ABCG8: variants seen among roughly 807,000 people sequenced by gnomAD.
ABCG8 encodes the protein ATP-binding cassette sub-family G member 8.
ABCG8 carries 81 observed loss-of-function variants against 71.3 expected under a neutral mutation model. The observed-to-expected ratio is 1.14, with a 90% confidence interval of 0.95 to 1.37. The LOEUF is 1.37. Ranked by LOEUF, ABCG8 falls within the 40% of genes most tolerant of loss-of-function variation. ABCG8 has a pLI of 0.00. For synonymous variants in ABCG8, 451 were observed against 354.7 expected (o/e 1.27, Z -3.05); for missense variants, 1,119 against 866.2 (o/e 1.29, Z -3.66).
chr2:43,858,899 G>T lies in ABCG8; in HGVS notation c.964+6031G>T, dbSNP rs573661689. On this transcript the variant is annotated intron_variant, in intron 6 of 12. Coordinates refer to ENST00000272286, the MANE Select transcript of ABCG8 (RefSeq NM_022437.3). Reference sequence around the variant, plus strand: ...ATCTAGATAGAACTCTCACTATCTGGATAGAATTCTCACCCTCTGGATACA... The same window carrying T: ...ATCTAGATAGAACTCTCACTATCTGTATAGAATTCTCACCCTCTGGATACA... Among the ~76,000 whole-genome samples, 11 of 151,298 alleles carry T rather than the reference G, an allele frequency of 7.3e-5. 1 individual carries two copies. Among genetic ancestry groups the T allele is most frequent in the Non-Finnish European group, 1.6e-4 (11 of 67,494 alleles).
Position 43,877,840 on chromosome 2 carries a change from T to A in ABCG8, c.1949T>A (p.Leu650His). ...GCCATCTACCTCATCGTCATTGGCC[T>A]CAGCGGTGGCTTCATGGTCCTGTAC... ...LYAIYLIVIG[L>H]SGGFMVLYYV... is the part of the protein sequence containing the mutation. The change falls in exon 13 of 13, where the codon CTC (leucine) becomes CAC (histidine). Residue 650 changes from leucine to histidine, a missense_variant. Coordinates refer to ENST00000272286, the MANE Select transcript of ABCG8 (RefSeq NM_022437.3). 1 of 1,614,158 alleles carries A rather than the reference T, an allele frequency of 6.2e-7. No individual in the cohort carries two copies. The highest frequency in any genetic ancestry group is 1.1e-5 in the South Asian group (1 of 91,086).
At chr2:43,870,372 A>G (rs1669720681) in intron 6 of ABCG8, among the ~76,000 whole-genome samples, 2 of 151,746 alleles carry the variant, frequency 1.3e-5, no homozygotes, top group Admixed American at 1.3e-4. Context: ...TAGAATTCTC[A>G]CTGTGTATGT....
At chr2:43,866,295 C>A (rs1321100375) in intron 6 of ABCG8, among the ~76,000 whole-genome samples, 1 of 151,754 alleles carries the variant, frequency 6.6e-6, no homozygotes, top group African/African-American at 2.4e-5. Context: ...GCAAGGACTT[C>A]ATGTCTAAAA....
rs537784677 is a variant in ABCG8 at position 43,839,403 on chromosome 2, C to CTTTTTTTTTTTTTTTTTTTTTTTT, written c.63+305_63+328dup. 7.9e-4 allele frequency among the ~76,000 whole-genome samples: 47 copies of CTTTTTTTTTTTTTTTTTTTTTTTT among 59,310 alleles called. 9 individuals are homozygous for CTTTTTTTTTTTTTTTTTTTTTTTT. Among genetic ancestry groups the CTTTTTTTTTTTTTTTTTTTTTTTT allele is most frequent in the Non-Finnish European group, 1.2e-3 (37 of 31,220 alleles). The allele number at this position is 59,310 out of a possible 152,430, so 38.9% of individuals were successfully genotyped here. On this transcript the variant is annotated intron_variant, in intron 1 of 12. Coordinates refer to ENST00000272286, the MANE Select transcript of ABCG8 (RefSeq NM_022437.3). The stretch of plus-strand genomic sequence containing the variant: ...CACTTTTTCTTTTTTCTTTTCTTCT[C>CTTTTTTTTTTTTTTTTTTTTTTTT]TTTTTTTTTTTTTTTTTTTTTTTTT...
intron 3 of ABCG8, among the ~76,000 whole-genome samples, chr2:43,850,635 T>TA (rs1464368656): frequency 6.6e-6 from 1 of 152,088 alleles, no homozygotes; most frequent in Non-Finnish European, 1.5e-5. Context: ...AATCCTTTTT[T>TA]AAAAAAGAGT....
chr2:43,857,041 C>A (rs60782591), intron 6 of ABCG8, among the ~76,000 whole-genome samples: 8,176 of 151,816 alleles, frequency 0.054, 276 homozygotes, highest in Middle Eastern at 0.1. Context: ...CTGGATATAA[C>A]TCTCACTAAC....
chr2:43,872,176 C>T (rs1178890268), intron 7 of ABCG8, 38 bp downstream of exon 7: 1 of 1,614,022 alleles, frequency 6.2e-7, no homozygotes, highest in Admixed American at 1.7e-5. Flanking sequence ...GAGCTCCCTG[C>T]AGAAGGTGGC....
At chr2:43,860,582 T>C (rs992923662) in intron 6 of ABCG8, among the ~76,000 whole-genome samples, 1 of 151,496 alleles carries the variant, frequency 6.6e-6, no homozygotes, top group Non-Finnish European at 1.5e-5. Context: ...ATTCTCACCA[T>C]CTGCAGAGAA....
intron 3 of ABCG8, chr2:43,846,990 GCACACA>G (rs368330289): frequency 0.05 from 5,536 of 110,878 alleles, 134 homozygotes; most frequent in Middle Eastern, 0.08. Flanking sequence ...ACGCGCGCGT[GCACACA>G]CACACACACA....
rs376249244 is a variant in ABCG8 at position 43,881,028 on chromosome 2, C to T, written c.*3115C>T. The T allele has an allele frequency of 6.6e-5, 10 of 152,402 alleles. 1 individual carries two copies. The highest frequency in any genetic ancestry group is 5.2e-4 in the Admixed American group (8 of 15,298). The allele number at this position is 152,402 out of a possible 1,614,324, so 9.4% of individuals were successfully genotyped here. ...CTGTGGTCCCCTAATGGCGTTAGGC[C>T]TGAATGAAGAAGGGGGAAGGATGAA... is the stretch of plus-strand genomic sequence containing the variant. On this transcript the variant is annotated 3_prime_UTR_variant, in exon 13 of 13. Transcript: ENST00000272286.
At chr2:43,849,417 A>G (rs915322855) in intron 3 of ABCG8, among the ~76,000 whole-genome samples, 2 of 152,232 alleles carry the variant, frequency 1.3e-5, no homozygotes, top group Non-Finnish European at 2.9e-5. Context: ...CTTTTAAACC[A>G]TAAGAGTGTA....
At chr2:43,866,468 G>C (rs571726251) in intron 6 of ABCG8, among the ~76,000 whole-genome samples, 3 of 152,030 alleles carry the variant, frequency 2.0e-5, no homozygotes, top group Non-Finnish European at 2.9e-5. Flanking sequence ...CTAATATCCA[G>C]AATCTACAAT....
Position 43,844,542 on chromosome 2 carries a change from C to G in ABCG8, c.99C>G (p.Asp33Glu). The change falls in exon 2 of 13, where the codon GAC becomes GAG. Residue 33 changes from aspartate to glutamate, a missense_variant. Asp to Glu is a conservative substitution (Grantham distance 45). Transcript: ENST00000272286. ...LQDRLFSSES[D>E]NSLYFTYSGQ... is the part of the protein sequence containing the mutation. ...ATAGATTGTTCTCCTCTGAAAGTGA[C>G]AACAGCCTGTACTTCACCTACAGTG... is the stretch of plus-strand genomic sequence containing the variant. 1.2e-6 allele frequency: 2 copies of G among 1,614,186 alleles called. No individual in the cohort carries two copies. The highest frequency in any genetic ancestry group is 1.7e-6 in the Non-Finnish European group (2 of 1,180,032).
In ABCG8 at chr2:43,851,597, C is replaced by G; in HGVS notation, c.336C>G (p.Ala112=). The change falls in exon 4 of 13, where the codon GCC becomes GCG. Residue 112 remains alanine, a synonymous_variant. Transcript: ENST00000272286. ...GTGGCTTTGCAGGTTGTGGGAGAGC[C>G]TCCTTGCTAGATGTGATCACTGGCC... ...AIIGSSGCGR[A]SLLDVITGRG... 1 of 1,614,210 alleles carries G rather than the reference C, an allele frequency of 6.2e-7. No individual in the cohort carries two copies. Among genetic ancestry groups the G allele is most frequent in the Non-Finnish European group, 8.5e-7 (1 of 1,180,038 alleles).
At chr2:43,857,807 T>C (rs566698137) in intron 6 of ABCG8, among the ~76,000 whole-genome samples, 1 of 151,866 alleles carries the variant, frequency 6.6e-6, no homozygotes, top group African/African-American at 2.4e-5. Flanking sequence ...TCGTTAGAAC[T>C]CTCACTACCT....
chr2:43,881,753 T>G lies in ABCG8; in HGVS notation c.*3840T>G, dbSNP rs1279503122. The G allele has an allele frequency of 6.6e-6, 1 of 151,612 alleles. No homozygotes were observed. Among genetic ancestry groups the G allele is most frequent in the Non-Finnish European group, 1.5e-5 (1 of 67,988 alleles). 9.4% of individuals were successfully genotyped at this position (151,612 alleles called of 1,614,324 possible). Reference sequence around the variant, plus strand: ...CAAGGCTCTCGAGGCATGCATGCTGTTCAGCGAGCCCTGCCCTGCATTGCG... The same window carrying G: ...CAAGGCTCTCGAGGCATGCATGCTGGTCAGCGAGCCCTGCCCTGCATTGCG... On this transcript the variant is annotated 3_prime_UTR_variant, in exon 13 of 13. Transcript: ENST00000272286.
At chr2:43,874,120 A>C in intron 9 of ABCG8, 134 bp downstream of exon 9, 1 of 1,020,560 alleles carries the variant, frequency 9.8e-7, no homozygotes, top group East Asian at 2.4e-5. Context: ...TAAAGTTTGC[A>C]TGTTAATATT....
At chr2:43,874,530 G>C (rs1254328404) in intron 10 of ABCG8, 47 bp downstream of exon 10, 1 of 1,492,402 alleles carries the variant, frequency 6.7e-7, no homozygotes, top group Non-Finnish European at 9.3e-7. Flanking sequence ...CACCAGGGTG[G>C]GGGTAAGTGT....
chr2:43,870,631 A>G (rs929234330), intron 6 of ABCG8, among the ~76,000 whole-genome samples: 1 of 151,308 alleles, frequency 6.6e-6, no homozygotes, highest in African/African-American at 2.4e-5. Flanking sequence ...AACTCTCACT[A>G]TCTGTGTGGA....
Sources: gnomAD v4.1 joint callset for allele counts (sites outside exome capture counted in the v4.1 genomes callset) on GRCh38, gnomAD v4.1.1 for gene constraint, MANE v1.5 for transcripts, NCBI Gene and HGNC (gene_info 2026-07-23, HGNC 2026-07-21) for gene names.